The following HPS5 variants were observed in gnomAD, a reference collection of about 807,000 sequenced individuals.
HPS5 encodes the protein HPS5 biogenesis of lysosomal organelles complex 2 subunit 2.
A neutral mutation model predicts 128.0 loss-of-function variants in HPS5; 83 were observed. That is an observed-to-expected ratio of 0.65 (90% CI 0.54 to 0.78). The LOEUF is 0.78. Among genes scored for constraint, HPS5 ranks in the 30% least tolerant of loss-of-function variants. The pLI is 0.00. For missense variants in HPS5, 1,281 were observed against 1,326.2 expected (o/e 0.97, Z 0.53); for synonymous variants, 475 against 470.2 (o/e 1.01, Z -0.13).
At chr11:18,288,330 C>G (rs938272051) in intron 16 of HPS5, among the ~76,000 whole-genome samples, 2 of 152,130 alleles carry the variant, frequency 1.3e-5, no homozygotes, top group African/African-American at 4.8e-5. Flanking sequence ...TAGCAACTGT[C>G]CATATAAGCA....
intron 6 of HPS5, among the ~76,000 whole-genome samples, chr11:18,307,056 C>T (rs1013797510): frequency 2.0e-5 from 3 of 152,202 alleles, no homozygotes; most frequent in African/African-American, 7.2e-5. Context: ...TTACACGCTT[C>T]CTATGCTTTG....
In HPS5 at chr11:18,298,796, C is replaced by A. The variant is rs1413288113; in HGVS notation, c.1160G>T (p.Ser387Ile). 1.9e-6 allele frequency: 3 copies of A among 1,613,968 alleles called. No homozygotes were observed. The highest frequency in any genetic ancestry group is 2.5e-6 in the Non-Finnish European group (3 of 1,179,970). ...CCLFQNSVIA[S>I]RARKTLTADK... ...TCTAGGTAAGCTCTGACTCACTCTG[C>A]TGGCAATGACAGAATTTTGGAAAAG... is the stretch of plus-strand genomic sequence containing the variant. Residue 387 changes from serine to isoleucine, a missense_variant, in exon 10 of 23, where the codon AGC becomes ATC. By Grantham distance (142) the Ser-to-Ile change is moderately radical. Transcript: ENST00000349215.
rs1859948052 is a variant in HPS5, at chr11:18,287,969, C to T, written c.2485G>A (p.Asp829Asn). 4 of 1,613,848 alleles carry T rather than the reference C, an allele frequency of 2.5e-6. No individual in the cohort carries two copies. Among genetic ancestry groups the T allele is most frequent in the Non-Finnish European group, 3.4e-6 (4 of 1,179,856 alleles). The change falls in exon 17 of 23, where the codon GAT (aspartate) becomes AAT (asparagine). Residue 829 changes from aspartate (D) to asparagine (N), a missense_variant. By Grantham distance (23) the Asp-to-Asn change is conservative (BLOSUM62 1). Coordinates refer to ENST00000349215, the MANE Select transcript of HPS5 (RefSeq NM_181507.2). ...NPVYMEMEKG[D>N]LPTRLKLLDD... ...AGTAACTTTAACCTTGTTGGTAGAT[C>T]TCCTTTTTCCATCTCCATATACACA...
rs371672645 is a variant in HPS5 at position 18,296,744 on chromosome 11, C to T, written c.1510+54G>A. 17 of 1,482,142 alleles carry T rather than the reference C, an allele frequency of 1.1e-5. No homozygotes were observed. The African/African-American group carries it at 1.4e-4, about 12-fold the overall frequency. 91.8% of individuals were successfully genotyped at this position (1,482,142 alleles called of 1,614,324 possible). A position where few individuals can be genotyped will look rare whatever the true frequency, so the allele number is the denominator to read the frequency against. ...CACAAGATAATCCTGGTAACAGGAGCTCGTGGAAAATAATGGCTTCACATC... is the reference window on the plus strand; with the variant it reads ...CACAAGATAATCCTGGTAACAGGAGTTCGTGGAAAATAATGGCTTCACATC... On this transcript the variant is annotated intron_variant, in intron 12 of 22. Coordinates refer to ENST00000349215, the MANE Select transcript of HPS5 (RefSeq NM_181507.2).
chr11:18,318,393 TTC>T (rs1222025217), intron 1 of HPS5, among the ~76,000 whole-genome samples: 1 of 152,204 alleles, frequency 6.6e-6, no homozygotes, highest in Non-Finnish European at 1.5e-5. Context: ...GCCACTAGAC[TTC>T]TCTCTTCAAC....
At chr11:18,290,863 A>G (rs532431833) in intron 16 of HPS5, among the ~76,000 whole-genome samples, 1 of 152,288 alleles carries the variant, frequency 6.6e-6, no homozygotes, top group East Asian at 1.9e-4. Flanking sequence ...TCAAGGCTAC[A>G]GTGAGCCATG....
intron 1 of HPS5, among the ~76,000 whole-genome samples, chr11:18,319,266 C>T (rs1302160172): frequency 6.7e-6 from 1 of 149,416 alleles, no homozygotes; most frequent in Non-Finnish European, 1.5e-5. Flanking sequence ...CACACACACA[C>T]ACACACACAC....
rs1425387552 is a variant in HPS5, at chr11:18,311,946, CT to C, written c.186del (p.Gly63AlafsTer30). The C allele has an allele frequency of 6.2e-7, 1 of 1,613,830 alleles. No homozygotes were observed. Among genetic ancestry groups the C allele is most frequent in the East Asian group, 2.2e-5 (1 of 44,898 alleles). On this transcript the variant is annotated frameshift_variant, in exon 3 of 23. Coordinates refer to ENST00000349215, the MANE Select transcript of HPS5 (RefSeq NM_181507.2). LOFTEE classifies it high-confidence loss of function. Reference sequence around the variant, plus strand: ...GAAAGAAAAAGCCTGTGCTTCCAGCCTTCTTTCTGAATGAGATGGAGTCCTC... The same window carrying C: ...GAAAGAAAAAGCCTGTGCTTCCAGCCTCTTTCTGAATGAGATGGAGTCCTC... ...SGGGLHLIQK[E>X]GWKHRLFLSH...
chr11:18,283,348 A>G (rs1859276342), intron 21 of HPS5, among the ~76,000 whole-genome samples: 1 of 148,848 alleles, frequency 6.7e-6, no homozygotes, highest in South Asian at 2.1e-4. Flanking sequence ...AAAAAAAAAG[A>G]GCCTAAGCAC....
At chr11:18,321,219 C>T (rs930999753) in intron 1 of HPS5, among the ~76,000 whole-genome samples, 10 of 152,204 alleles carry the variant, frequency 6.6e-5, no homozygotes, top group Admixed American at 6.5e-4. Flanking sequence ...GTTATCTCCT[C>T]CCTGCTTCTT....
intron 16 of HPS5, among the ~76,000 whole-genome samples, chr11:18,290,374 GA>G (rs1480741780): frequency 6.6e-6 from 1 of 152,158 alleles, no homozygotes; most frequent in African/African-American, 2.4e-5. Flanking sequence ...CTCTGCCTCA[GA>G]CTGCTTATCT....
intron 2 of HPS5, 29 bp from the exon 3 acceptor site, chr11:18,312,053 T>G: frequency 6.7e-6 from 10 of 1,483,126 alleles, no homozygotes; most frequent in Non-Finnish European, 9.4e-6. Context: ...AAGTGTGAGA[T>G]AATCACAGCT....
At chr11:18,316,876 G>A (rs1323836276) in intron 2 of HPS5, among the ~76,000 whole-genome samples, 1 of 152,176 alleles carries the variant, frequency 6.6e-6, no homozygotes, top group African/African-American at 2.4e-5. Flanking sequence ...TTAGTCTAGT[G>A]CCCACATAGC....
At chr11:18,282,334 C>A (rs1859097643) in intron 21 of HPS5, 114 bp from the exon 22 acceptor site, 1 of 1,183,092 alleles carries the variant, frequency 8.5e-7, no homozygotes, top group African/African-American at 1.5e-5. Flanking sequence ...TATTCAAGAA[C>A]ACAATCTCAT....
chr11:18,303,320 A>G lies in HPS5; in HGVS notation c.896+2102T>C, dbSNP rs181268007. 2.8e-4 allele frequency among the ~76,000 whole-genome samples: 43 copies of G among 152,320 alleles called. No individual in the cohort carries two copies. In the East Asian group the frequency reaches 7.7e-3, roughly 27 times the overall value. ...TGATGCTGGGATGCATACTCATAAT[A>G]CAGTAAGACAGTGGCAATGATAAAG... On this transcript the variant is annotated intron_variant, in intron 8 of 22. Transcript: ENST00000349215.
rs768860958 is a variant in HPS5, at chr11:18,317,772, C to T, written c.87G>A (p.Arg29=). Residue 29 remains arginine, a synonymous_variant, in exon 2 of 23, where the codon CGG becomes CGA. Transcript: ENST00000349215. ...ESLDPLLSAL[R]LDSSRLKCTS... ...TCACCTTTAGACGACTGGAGTCCAG[C>T]CGCAGGGCTGAGAGTAATGGATCCA... 3.1e-6 allele frequency: 5 copies of T among 1,613,830 alleles called. No individual in the cohort carries two copies. Among genetic ancestry groups the T allele is most frequent in the Middle Eastern group, 1.6e-4 (1 of 6,062 alleles).
chr11:18,294,846 CAA>C (rs987691877), intron 14 of HPS5, among the ~76,000 whole-genome samples, 172 bp downstream of exon 14: 2 of 151,472 alleles, frequency 1.3e-5, no homozygotes, highest in Non-Finnish European at 2.9e-5. Context: ...AAAAAAATCA[CAA>C]AAAAACTCAT....
At position 18,295,178 on chromosome 11, in the gene HPS5, C is replaced by T; in HGVS notation, c.1635-9G>A. On this transcript the variant is annotated splice_polypyrimidine_tract_variant and intron_variant, in intron 13 of 22. Transcript: ENST00000349215. ...GCACAAAGCTAGAAACACTAGAAGT[C>T]AAATAACAAAAAACTAACATGAATA... is the stretch of plus-strand genomic sequence containing the variant. 1 of 1,612,850 alleles carries T rather than the reference C, an allele frequency of 6.2e-7. No homozygotes were observed. Among genetic ancestry groups the T allele is most frequent in the Non-Finnish European group, 8.5e-7 (1 of 1,179,386 alleles).
Position 18,281,941 on chromosome 11 carries a change from T to C in HPS5, c.3329+9A>G, listed in dbSNP as rs1230815345. ...GCACTATGCAGAGGGTAGGACAAACTGATATTACCTCTGCCTTTTCTCAGC... is the reference window on the plus strand; with the variant it reads ...GCACTATGCAGAGGGTAGGACAAACCGATATTACCTCTGCCTTTTCTCAGC... On this transcript the variant is annotated intron_variant, in intron 22 of 22. Transcript: ENST00000349215. 6.2e-7 allele frequency: 1 copy of C among 1,614,076 alleles called. No homozygotes were observed. Among genetic ancestry groups the C allele is most frequent in the Admixed American group, 1.7e-5 (1 of 60,004 alleles).
Sources: gnomAD v4.1 joint callset for allele counts (sites outside exome capture counted in the v4.1 genomes callset) on GRCh38, gnomAD v4.1.1 for gene constraint, MANE v1.5 for transcripts, NCBI Gene and HGNC (gene_info 2026-07-23, HGNC 2026-07-21) for gene names.